CCDC181: variants seen among roughly 807,000 people sequenced by gnomAD.
The protein encoded by CCDC181 is coiled-coil domain containing 181, also known as coiled-coil domain-containing protein 181.
A neutral mutation model predicts 58.7 loss-of-function variants in CCDC181; 35 were observed. The ratio of observed to expected loss-of-function variants is 0.60; its 90% CI spans 0.46 to 0.79. The LOEUF (loss-of-function observed/expected upper bound fraction) is 0.79. CCDC181 is among the 30% of genes least tolerant of loss of function. The pLI is 0.00. For synonymous variants in CCDC181, 183 were observed against 197.5 expected (o/e 0.93, Z 0.62); for missense variants, 517 against 583.9 (o/e 0.89, Z 1.18).
At chr1:169,437,015 C>T (rs1219739870) in intron 2 of CCDC181, among the ~76,000 whole-genome samples, 1 of 151,636 alleles carries the variant, frequency 6.6e-6, no homozygotes, top group Non-Finnish European at 1.5e-5. Context: ...GGGAGGGAGA[C>T]CTGAGTTTTA....
chr1:169,411,286 A>T (rs1655948484), intron 4 of CCDC181, among the ~76,000 whole-genome samples: 1 of 152,232 alleles, frequency 6.6e-6, no homozygotes, highest in Non-Finnish European at 1.5e-5. Context: ...TAGAAAGTCT[A>T]GAAGAAATGG....
intron 3 of CCDC181, 125 bp from the exon 4 acceptor site, chr1:169,419,284 A>G: frequency 3.3e-6 from 4 of 1,205,804 alleles, no homozygotes; most frequent in Non-Finnish European, 4.5e-6. Context: ...TCCATCAGAA[A>G]ACTGGTCCTT....
At chr1:169,404,136 C>A (rs1014017197) in intron 4 of CCDC181, among the ~76,000 whole-genome samples, 4 of 152,146 alleles carry the variant, frequency 2.6e-5, no homozygotes, top group Non-Finnish European at 5.9e-5. Context: ...CCTGAATAGA[C>A]GAATAACAGG....
At chr1:169,447,832 T>G (rs1359159367) in intron 2 of CCDC181, among the ~76,000 whole-genome samples, 1 of 152,174 alleles carries the variant, frequency 6.6e-6, no homozygotes, top group Non-Finnish European at 1.5e-5. Flanking sequence ...TTTCTTTTGT[T>G]AAGTGTTAGC....
intron 2 of CCDC181, among the ~76,000 whole-genome samples, chr1:169,454,234 A>G (rs557427412): frequency 3.9e-5 from 6 of 152,232 alleles, no homozygotes; most frequent in African/African-American, 1.4e-4. Flanking sequence ...ATTGGAATAT[A>G]TATAGGCAAC....
Position 169,394,882 on chromosome 1 carries a change from G to A in CCDC181, c.*165C>T. The A allele has an allele frequency of 1.8e-6, 1 of 570,816 alleles. No individual in the cohort carries two copies. Among genetic ancestry groups the A allele is most frequent in the Non-Finnish European group, 2.9e-6 (1 of 346,712 alleles). 35.4% of individuals were successfully genotyped at this position (570,816 alleles called of 1,614,324 possible). On this transcript the variant is annotated 3_prime_UTR_variant, in exon 6 of 6. Transcript: ENST00000367806. ...ATGGCACAACACATTACAACACTGT[G>A]AGAAAAAAATTTATTTTGTTCTAGT...
At chr1:169,401,582 G>T (rs1372505970) in intron 4 of CCDC181, among the ~76,000 whole-genome samples, 2 of 152,230 alleles carry the variant, frequency 1.3e-5, no homozygotes, top group Non-Finnish European at 2.9e-5. Flanking sequence ...ACCCACAGGT[G>T]AGGGTCCTGA....
At chr1:169,446,177 G>A (rs1657368312) in intron 2 of CCDC181, among the ~76,000 whole-genome samples, 1 of 152,096 alleles carries the variant, frequency 6.6e-6, no homozygotes, top group African/African-American at 2.4e-5. Flanking sequence ...CGGGTGCGGT[G>A]GCTCACACCT....
upstream of CCDC181, among the ~76,000 whole-genome samples, chr1:169,429,769 CTGAT>C (rs1353111522): frequency 6.6e-6 from 1 of 152,130 alleles, no homozygotes; most frequent in Non-Finnish European, 1.5e-5. Context: ...GTTTACTCTG[CTGAT>C]TATTTCTTTT....
chr1:169,459,842 A>G (rs944086512), exon 2 of CCDC181: 2 of 144,434 alleles, frequency 1.4e-5, no homozygotes, highest in African/African-American at 2.6e-5. Flanking sequence ...GAACATCAGA[A>G]GTCTTCCATG....
intron 2 of CCDC181, chr1:169,452,875 CT>C (rs1417635596): frequency 6.6e-6 from 1 of 151,924 alleles, no homozygotes; most frequent in Non-Finnish European, 1.5e-5. Flanking sequence ...TTTCCTTTTT[CT>C]CTTAAATCCT....
In CCDC181 at chr1:169,396,908, C is replaced by A. The variant is rs1286715066; in HGVS notation, c.1370+329G>T. On this transcript the variant is annotated intron_variant, in intron 5 of 5. Transcript: ENST00000367806. ...CTATGTAGGAGAAGCTGTAACCAATCTTCAACCCATTTCTCACAGAAATAA... is the reference window on the plus strand; with the variant it reads ...CTATGTAGGAGAAGCTGTAACCAATATTCAACCCATTTCTCACAGAAATAA... Among the ~76,000 whole-genome samples the A allele has an allele frequency of 3.9e-5, 6 of 152,218 alleles. No homozygotes were observed. The East Asian group carries it at 1.2e-3, about 29-fold the overall frequency.
intron 2 of CCDC181, among the ~76,000 whole-genome samples, chr1:169,422,613 T>C (rs1439644632): frequency 6.6e-6 from 1 of 152,138 alleles, no homozygotes; most frequent in African/African-American, 2.4e-5. Context: ...ACAATATTAA[T>C]ATTCCTTCCC....
chr1:169,431,830 T>C (rs2101739056), upstream of CCDC181, among the ~76,000 whole-genome samples: 1 of 152,308 alleles, frequency 6.6e-6, no homozygotes, highest in South Asian at 2.1e-4. Context: ...ATCAAGGAGA[T>C]GCAAACACAG....
At chr1:169,432,358 C>G (rs1468419182), upstream of CCDC181, among the ~76,000 whole-genome samples, 1 of 152,072 alleles carries the variant, frequency 6.6e-6, no homozygotes, top group East Asian at 1.9e-4. Context: ...TAGAACACCA[C>G]CAAATGGACC....
intron 3 of CCDC181, among the ~76,000 whole-genome samples, chr1:169,419,441 T>C (rs1656368744): frequency 6.6e-6 from 1 of 152,116 alleles, no homozygotes; most frequent in Admixed American, 6.6e-5. Flanking sequence ...TTAGCTGGGC[T>C]AATTTAACAA....
chr1:169,413,734 C>G (rs1014136615), intron 4 of CCDC181, among the ~76,000 whole-genome samples: 2 of 152,058 alleles, frequency 1.3e-5, no homozygotes, highest in Non-Finnish European at 2.9e-5. Flanking sequence ...ATCAATGAAG[C>G]TGGAAGCCAT....
At chr1:169,414,370 T>C (rs1036474925) in intron 4 of CCDC181, among the ~76,000 whole-genome samples, 2 of 152,162 alleles carry the variant, frequency 1.3e-5, no homozygotes, top group African/African-American at 4.8e-5. Flanking sequence ...CAATGATAGA[T>C]GAAATTATTA....
At chr1:169,434,318 T>C (rs1571506202) in intron 2 of CCDC181, among the ~76,000 whole-genome samples, 1 of 152,112 alleles carries the variant, frequency 6.6e-6, no homozygotes, top group East Asian at 1.9e-4. Context: ...TTGAAACCCT[T>C]ATGCACTGTT....
Sources: gnomAD v4.1 joint callset for allele counts (sites outside exome capture counted in the v4.1 genomes callset) on GRCh38, gnomAD v4.1.1 for gene constraint, MANE v1.5 for transcripts, NCBI Gene and HGNC (gene_info 2026-07-23, HGNC 2026-07-21) for gene names.